Variants in BRWD1 observed in about 807,000 individuals in gnomAD.
The protein encoded by BRWD1 is bromodomain and WD repeat-containing protein 1.
BRWD1 carries 82 observed loss-of-function variants against 251.2 expected under a neutral mutation model. The observed-to-expected ratio is 0.33, with a 90% CI of 0.27 to 0.39. The LOEUF (loss-of-function observed/expected upper bound fraction) is 0.39, where lower values mean the gene tolerates loss of function less well. BRWD1 is among the 10% of genes least tolerant of loss of function. BRWD1 has a pLI of 1.00. For missense variants in BRWD1, 2,233 were observed against 2,711.6 expected (o/e 0.82, Z 3.92); for synonymous variants, 918 against 902.8 (o/e 1.02, Z -0.30).
chr21:39,198,481 T>A (rs1367070075), intron 40 of BRWD1, among the ~76,000 whole-genome samples: 2 of 152,092 alleles, frequency 1.3e-5, no homozygotes, highest in Non-Finnish European at 2.9e-5. Context: ...ATATAATATA[T>A]CCCCATCATC....
intron 18 of BRWD1, among the ~76,000 whole-genome samples, chr21:39,257,019 T>C (rs1481558441): frequency 6.6e-6 from 1 of 152,230 alleles, no homozygotes; most frequent in Non-Finnish European, 1.5e-5. Flanking sequence ...ATTTTTGAAC[T>C]GAGAAATATA....
At position 39,193,964 on chromosome 21, in the gene BRWD1, A is replaced by T. The variant is rs1296094339; in HGVS notation, c.*2295T>A. 19 of 985,470 alleles carry T rather than the reference A, an allele frequency of 1.9e-5. No homozygotes were observed. Among genetic ancestry groups the T allele is most frequent in the Non-Finnish European group, 2.3e-5 (19 of 829,722 alleles). The allele number at this position is 985,470 out of a possible 1,614,324, so 61.0% of individuals were successfully genotyped here. A position where few individuals can be genotyped will look rare whatever the true frequency, so the allele number is the denominator to read the frequency against. ...AAAATTATTTTCTCCATTATCTCTCAGTTTTATTTCATAACTTGAGAAGCT... is the reference window on the plus strand; with the variant it reads ...AAAATTATTTTCTCCATTATCTCTCTGTTTTATTTCATAACTTGAGAAGCT... On this transcript the variant is annotated 3_prime_UTR_variant, in exon 41 of 41. Coordinates refer to ENST00000342449, the MANE Select transcript of BRWD1 (RefSeq NM_033656.4).
At chr21:39,310,065 T>C (rs1317849099) in intron 4 of BRWD1, among the ~76,000 whole-genome samples, 1 of 152,216 alleles carries the variant, frequency 6.6e-6, no homozygotes, top group African/African-American at 2.4e-5. Context: ...ATATGCAACA[T>C]TCTCTGATAA....
Position 39,313,503 on chromosome 21 carries a change from G to A in BRWD1, c.-12C>T. On this transcript the variant is annotated 5_prime_UTR_variant, in exon 1 of 41. Transcript: ENST00000342449. ...GACGGCTCCGCCATGGCCGGGCGCG[G>A]GGCGGGAGGCGGGAGCGAGCGAGCG... 1 of 1,334,122 alleles carries A rather than the reference G, an allele frequency of 7.5e-7. No individual in the cohort carries two copies. Among genetic ancestry groups the A allele is most frequent in the Non-Finnish European group, 9.5e-7 (1 of 1,049,138 alleles). The allele number at this position is 1,334,122 out of a possible 1,614,324, so 82.6% of individuals were successfully genotyped here. A position where few individuals can be genotyped will look rare whatever the true frequency, so the allele number is the denominator to read the frequency against.
chr21:39,224,984 G>C (rs1212090730), intron 28 of BRWD1, 102 bp downstream of exon 28: 1 of 898,046 alleles, frequency 1.1e-6, no homozygotes, highest in African/African-American at 1.7e-5. Context: ...CTTAATGACA[G>C]ATAAAAACCA....
At chr21:39,212,772 A>C (rs1244410436) in intron 33 of BRWD1, 65 bp from the exon 34 acceptor site, 11 of 1,136,880 alleles carry the variant, frequency 9.7e-6, no homozygotes, top group Non-Finnish European at 1.4e-5. Context: ...ACATAATCTT[A>C]ATAAATAACA....
chr21:39,204,153 CA>C (rs11356696), intron 37 of BRWD1, among the ~76,000 whole-genome samples: 4,933 of 34,364 alleles, frequency 0.14, 380 homozygotes, highest in Non-Finnish European at 0.19. Context: ...AACTCCATCT[CA>C]AAAAAAAAAA....
At chr21:39,184,196 C>G (rs930645962), downstream of BRWD1, 1 of 152,204 alleles carries the variant, frequency 6.6e-6, no homozygotes, top group Non-Finnish European at 1.5e-5. Flanking sequence ...AAAACGAGAC[C>G]TTTACTCTGG....
chr21:39,259,140 C>G (rs2034658038), intron 17 of BRWD1, among the ~76,000 whole-genome samples: 1 of 152,116 alleles, frequency 6.6e-6, no homozygotes. Flanking sequence ...CTTTTTTAAG[C>G]CTTCAACAAG....
At chr21:39,277,216 A>G (rs1450443267) in intron 11 of BRWD1, 35 bp downstream of exon 11, 3 of 1,476,906 alleles carry the variant, frequency 2.0e-6, no homozygotes, top group Non-Finnish European at 2.8e-6. Context: ...AGTATTAACA[A>G]TTAATCTAAA....
chr21:39,250,934 ATAAC>A, intron 19 of BRWD1, 45 bp from the exon 20 acceptor site: 1 of 1,154,864 alleles, frequency 8.7e-7, no homozygotes, highest in Non-Finnish European at 1.3e-6. Context: ...GAACTGATGG[ATAAC>A]TAAAGGATAT....
chr21:39,294,919 T>G (rs2035913845), intron 7 of BRWD1, among the ~76,000 whole-genome samples: 1 of 152,152 alleles, frequency 6.6e-6, no homozygotes, highest in Non-Finnish European at 1.5e-5. Flanking sequence ...CTCTCCTAAC[T>G]TACGCTTAAA....
intron 40 of BRWD1, 149 bp downstream of exon 40, chr21:39,198,611 GAGA>G: frequency 3.2e-6 from 2 of 625,916 alleles, no homozygotes; most frequent in South Asian, 4.3e-5. Flanking sequence ...AGGATGAACA[GAGA>G]AGGCTAACAC....
At chr21:39,198,729 C>T in intron 40 of BRWD1, 34 bp downstream of exon 40, 1 of 1,513,244 alleles carries the variant, frequency 6.6e-7, no homozygotes, top group Non-Finnish European at 8.9e-7. Context: ...TGGTGAGAGT[C>T]AATCAGTGAA....
In BRWD1 at chr21:39,299,967, A is replaced by G. The variant is rs1300993380; in HGVS notation, c.199-1385T>C. ...ATAGCACTCCACAGCCTGGGCGACA[A>G]GAGTGAAACTCCATCTAAAAAAAAT... On this transcript the variant is annotated intron_variant, in intron 4 of 40. Coordinates refer to ENST00000342449, the MANE Select transcript of BRWD1 (RefSeq NM_033656.4). 3.3e-5 allele frequency among the ~76,000 whole-genome samples: 5 copies of G among 152,048 alleles called. 1 individual carries two copies. The East Asian group carries it at 7.7e-4, about 23-fold the overall frequency.
intron 39 of BRWD1, 23 bp from the exon 40 acceptor site, chr21:39,199,685 G>C: frequency 6.5e-7 from 1 of 1,527,572 alleles, no homozygotes; most frequent in East Asian, 2.3e-5. Context: ...TTAACAATAA[G>C]ATTAAAAAGA....
In BRWD1 at chr21:39,193,578, G is replaced by C; in HGVS notation, c.*2681C>G. On this transcript the variant is annotated 3_prime_UTR_variant, in exon 41 of 41. Coordinates refer to ENST00000342449, the MANE Select transcript of BRWD1 (RefSeq NM_033656.4). ...AAAACCATAAATGAATAAAACCATA[G>C]GACTTTGGACATACACAACCAAAGT... 1 of 985,160 alleles carries C rather than the reference G, an allele frequency of 1.0e-6. No individual in the cohort carries two copies. Among genetic ancestry groups the C allele is most frequent in the South Asian group, 4.7e-5 (1 of 21,274 alleles). 61.0% of individuals were successfully genotyped at this position (985,160 alleles called of 1,614,324 possible). A position where few individuals can be genotyped will look rare whatever the true frequency, so the allele number is the denominator to read the frequency against.
chr21:39,270,494 ATC>A, intron 13 of BRWD1, 61 bp from the exon 14 acceptor site: 1 of 1,341,518 alleles, frequency 7.5e-7, no homozygotes, highest in Non-Finnish European at 1.0e-6. Context: ...AATGTATACA[ATC>A]TCTCATCAAT....
rs1458461447 is a variant in BRWD1, at chr21:39,297,348, T to TG, written c.350-986dup. 6.1e-6 allele frequency: 6 copies of TG among 985,486 alleles called. No homozygotes were observed. The East Asian group carries it at 5.7e-4, about 93-fold the overall frequency. The allele number at this position is 985,486 out of a possible 1,614,324, so 61.0% of individuals were successfully genotyped here. On this transcript the variant is annotated intron_variant, in intron 5 of 40. Transcript: ENST00000342449. Reference sequence around the variant, plus strand: ...AAAGAGCAGTTACAAGGCATCCTCCTGGGGTACCAGTACAAAACAAACAGA... The same window carrying TG: ...AAAGAGCAGTTACAAGGCATCCTCCTGGGGGTACCAGTACAAAACAAACAGA...
Sources: gnomAD v4.1 joint callset for allele counts (sites outside exome capture counted in the v4.1 genomes callset) on GRCh38, gnomAD v4.1.1 for gene constraint, MANE v1.5 for transcripts, NCBI Gene and HGNC (gene_info 2026-07-23, HGNC 2026-07-21) for gene names.